Variants in SDCBP observed in about 807,000 individuals in gnomAD.
The protein encoded by SDCBP is syndecan binding protein.
In SDCBP, 22 loss-of-function variants were observed where a neutral mutation model predicts 30.5. That is an observed-to-expected ratio of 0.72 (90% CI 0.52 to 1.03). The LOEUF (loss-of-function observed/expected upper bound fraction) is 1.03. Ranked by LOEUF, SDCBP falls within the 50% of genes least tolerant of loss-of-function variation. The pLI is 0.00. For missense variants in SDCBP, 304 were observed against 369.9 expected (o/e 0.82, Z 1.46); for synonymous variants, 103 against 118.7 (o/e 0.87, Z 0.86).
intron 4 of SDCBP, among the ~76,000 whole-genome samples, chr8:58,572,705 C>T (rs1805094230): frequency 6.6e-6 from 1 of 151,692 alleles, no homozygotes; most frequent in African/African-American, 2.4e-5. Flanking sequence ...TCTTAAATTT[C>T]CTCTAGTAAC....
At chr8:58,574,692 C>T (rs546478698) in intron 4 of SDCBP, among the ~76,000 whole-genome samples, 175 of 152,258 alleles carry the variant, frequency 1.1e-3, no homozygotes, top group African/African-American at 4.1e-3. Context: ...GGATCTTCCT[C>T]TCCCCAGCTT....
At chr8:58,580,717 T>C (rs1197674640) in intron 8 of SDCBP, 109 bp downstream of exon 8, 4 of 650,092 alleles carry the variant, frequency 6.2e-6, no homozygotes, top group South Asian at 1.8e-5. Context: ...TGGATACTGG[T>C]GTTTTATCTA....
At chr8:58,565,332 G>T (rs576971852) in intron 2 of SDCBP, among the ~76,000 whole-genome samples, 2 of 151,264 alleles carry the variant, frequency 1.3e-5, no homozygotes, top group Middle Eastern at 3.2e-3. Flanking sequence ...TACATTTCTG[G>T]TTAAAATTTA....
intron 2 of SDCBP, among the ~76,000 whole-genome samples, chr8:58,567,352 G>A (rs952348202): frequency 6.6e-6 from 1 of 152,098 alleles, no homozygotes; most frequent in African/African-American, 2.4e-5. Flanking sequence ...TACATACAAA[G>A]GAGAAGTATT....
intron 2 of SDCBP, among the ~76,000 whole-genome samples, chr8:58,569,933 CTTAT>C (rs1804923263): frequency 6.6e-6 from 1 of 152,114 alleles, no homozygotes; most frequent in Non-Finnish European, 1.5e-5. Context: ...ATAGGCTTTA[CTTAT>C]TTAAACTAAG....
chr8:58,571,154 G>A (rs1804996608), intron 3 of SDCBP, among the ~76,000 whole-genome samples, 189 bp downstream of exon 3: 1 of 152,160 alleles, frequency 6.6e-6, no homozygotes, highest in Admixed American at 6.5e-5. Flanking sequence ...ATAGTGAACT[G>A]TGGATATGGG....
At chr8:58,566,000 A>G (rs538928691) in intron 2 of SDCBP, among the ~76,000 whole-genome samples, 4 of 152,284 alleles carry the variant, frequency 2.6e-5, no homozygotes, top group African/African-American at 9.6e-5. Flanking sequence ...ATTTTCTATC[A>G]TAGATCCAGT....
chr8:58,557,151 A>AT (rs1418249051), intron 1 of SDCBP, among the ~76,000 whole-genome samples: 3 of 99,178 alleles, frequency 3.0e-5, no homozygotes, highest in Admixed American at 1.0e-4. Flanking sequence ...ACAATATTAT[A>AT]ATATATAATT....
At position 58,581,812 on chromosome 8, in the gene SDCBP, G is replaced by C; in HGVS notation, c.*72G>C. On this transcript the variant is annotated 3_prime_UTR_variant, in exon 9 of 9. Transcript: ENST00000260130. ...CTTTGGCAACTTCTGTATTATGCAC[G>C]TGAAGCCTTCCCGGAGCCAGCGAGC... is the stretch of plus-strand genomic sequence containing the variant. 7.8e-7 allele frequency: 1 copy of C among 1,275,322 alleles called. No individual in the cohort carries two copies. The highest frequency in any genetic ancestry group is 2.6e-4 in the Middle Eastern group (1 of 3,794). 79.0% of individuals were successfully genotyped at this position (1,275,322 alleles called of 1,614,324 possible). A position where few individuals can be genotyped will look rare whatever the true frequency, so the allele number is the denominator to read the frequency against.
chr8:58,572,073 T>C lies in SDCBP; in HGVS notation c.131-132T>C, dbSNP rs1237794612. 4 of 592,732 alleles carry C rather than the reference T, an allele frequency of 6.7e-6. No homozygotes were observed. The East Asian group carries it at 8.1e-5, about 12-fold the overall frequency. The allele number at this position is 592,732 out of a possible 1,614,324, so 36.7% of individuals were successfully genotyped here. A position where few individuals can be genotyped will look rare whatever the true frequency, so the allele number is the denominator to read the frequency against. The stretch of plus-strand genomic sequence containing the variant: ...AGAGATGGGGAGATGCCTTTCCAAA[T>C]TGCTACTTTAAATTCATTCTAGATT... On this transcript the variant is annotated intron_variant, in intron 3 of 8. Transcript: ENST00000260130.
intron 8 of SDCBP, among the ~76,000 whole-genome samples, 155 bp downstream of exon 8, chr8:58,580,763 G>A (rs1355573104): frequency 6.6e-6 from 1 of 152,154 alleles, no homozygotes; most frequent in Admixed American, 6.6e-5. Flanking sequence ...CAGAGGGTTG[G>A]TAAGGATGAG....
chr8:58,582,544 G>C lies in SDCBP; in HGVS notation c.*804G>C, dbSNP rs1260507323. 1 of 152,578 alleles carries C rather than the reference G, an allele frequency of 6.6e-6. No homozygotes were observed. The highest frequency in any genetic ancestry group is 1.5e-5 in the Non-Finnish European group (1 of 68,028). The allele number at this position is 152,578 out of a possible 1,614,324, so 9.5% of individuals were successfully genotyped here. ...AACTTCTTTCTTCTAAAAGTTGCCA[G>C]TGCCACTTTTAAGAAGTGAATCACT... On this transcript the variant is annotated 3_prime_UTR_variant, in exon 9 of 9. Coordinates refer to ENST00000260130, the MANE Select transcript of SDCBP (RefSeq NM_005625.4).
rs117485213 is a variant in SDCBP, at chr8:58,582,331, C to A, written c.*591C>A. On this transcript the variant is annotated 3_prime_UTR_variant, in exon 9 of 9. Transcript: ENST00000260130. ...CCTTCACTTAATATGCTTGAACTGT[C>A]GCCTTAACTATGTTAAGCATCTAGA... 2,564 of 152,730 alleles carry A rather than the reference C, an allele frequency of 0.017. 33 individuals carry two copies. Among genetic ancestry groups the A allele is most frequent in the African/African-American group, 0.035 (1,457 of 41,540 alleles). 9.5% of individuals were successfully genotyped at this position (152,730 alleles called of 1,614,324 possible).
chr8:58,570,958 C>T lies in SDCBP; in HGVS notation c.123C>T (p.His41=), dbSNP rs143947170. The part of the protein sequence containing the change: ...ILSEASAPIP[H]DGNLYPRLYP... ...CAGAAGCTTCTGCTCCTATCCCTCA[C>T]GATGGAAGTAGGTTTATACTTTGAG... The change falls in exon 3 of 9, where the codon CAC becomes CAT. Residue 41 remains histidine (H), a synonymous_variant. Transcript: ENST00000260130. The T allele has an allele frequency of 3.5e-5, 56 of 1,607,490 alleles. No homozygotes were observed. The East Asian group carries it at 8.0e-4, about 23-fold the overall frequency.
In SDCBP at chr8:58,581,848, T is replaced by C. The variant is rs972707143; in HGVS notation, c.*108T>C. 1 of 831,962 alleles carries C rather than the reference T, an allele frequency of 1.2e-6. No homozygotes were observed. The highest frequency in any genetic ancestry group is 2.1e-6 in the Non-Finnish European group (1 of 482,200). 51.5% of individuals were successfully genotyped at this position (831,962 alleles called of 1,614,324 possible). On this transcript the variant is annotated 3_prime_UTR_variant, in exon 9 of 9. Transcript: ENST00000260130. Reference sequence around the variant, plus strand: ...CCGGAGCCAGCGAGCATATGCTGCATGAGGACCTTTCTATCTTACATTATG... The same window carrying C: ...CCGGAGCCAGCGAGCATATGCTGCACGAGGACCTTTCTATCTTACATTATG...
intron 1 of SDCBP, among the ~76,000 whole-genome samples, chr8:58,559,653 A>G (rs1451506198): frequency 6.6e-6 from 1 of 152,208 alleles, no homozygotes; most frequent in Non-Finnish European, 1.5e-5. Flanking sequence ...AGCCAGAGAA[A>G]TTAGAAAAGA....
intron 2 of SDCBP, among the ~76,000 whole-genome samples, chr8:58,569,307 A>G (rs1220113601): frequency 7.3e-6 from 1 of 137,498 alleles, no homozygotes; most frequent in Non-Finnish European, 1.5e-5. Context: ...ACTTCAGGTG[A>G]TCTGCCCACC....
intron 6 of SDCBP, 114 bp from the exon 7 acceptor site, chr8:58,579,509 T>G (rs943677850): frequency 1.4e-6 from 1 of 731,778 alleles, no homozygotes; most frequent in African/African-American, 1.8e-5. Flanking sequence ...TTGCTCTTAT[T>G]AGAAACAGTG....
intron 6 of SDCBP, 108 bp downstream of exon 6, chr8:58,578,316 G>T: frequency 3.8e-6 from 3 of 789,120 alleles, no homozygotes; most frequent in Non-Finnish European, 5.8e-6. Flanking sequence ...ATGATCAAAT[G>T]TTATTGATGA....
Sources: allele counts gnomAD v4.1 joint callset (sites outside exome capture counted in the v4.1 genomes callset), GRCh38; gene constraint gnomAD v4.1.1; transcripts MANE v1.5; gene names NCBI Gene and HGNC (gene_info 2026-07-23, HGNC 2026-07-21).